The following RUVBL1 variants were observed in gnomAD, a reference collection of about 807,000 sequenced individuals.
RUVBL1 encodes the protein RuvB like AAA ATPase 1.
Under a neutral mutation model 52.4 loss-of-function variants are expected in RUVBL1, and 4 were observed. The ratio of observed to expected loss-of-function variants is 0.08; its 90% CI spans 0.04 to 0.17. RUVBL1 has a LOEUF of 0.17. Ranked by LOEUF, RUVBL1 falls within the 10% of genes least tolerant of loss-of-function variation. RUVBL1 has a pLI of 1.00. For synonymous variants in RUVBL1, 217 were observed against 214.4 expected (o/e 1.01, Z -0.10); for missense variants, 298 against 572.8 (o/e 0.52, Z 4.90).
intron 1 of RUVBL1, among the ~76,000 whole-genome samples, chr3:128,131,037 C>T (rs1168452565): frequency 6.6e-6 from 1 of 151,510 alleles, no homozygotes; most frequent in Non-Finnish European, 1.5e-5. Flanking sequence ...TAGGATCACT[C>T]AGGCCCAGGA....
intron 9 of RUVBL1, among the ~76,000 whole-genome samples, chr3:128,073,459 G>C (rs541312496): frequency 6.6e-6 from 1 of 152,312 alleles, no homozygotes; most frequent in East Asian, 1.9e-4. Flanking sequence ...GCCTGGGGAA[G>C]AGCAACGGAT....
intron 1 of RUVBL1, among the ~76,000 whole-genome samples, chr3:128,145,726 C>G (rs978823920): frequency 6.6e-6 from 1 of 152,168 alleles, no homozygotes; most frequent in African/African-American, 2.4e-5. Flanking sequence ...CCCTTGGGGA[C>G]TACAAACTAA....
At chr3:128,088,221 C>G (rs1341159498) in intron 8 of RUVBL1, among the ~76,000 whole-genome samples, 2 of 150,484 alleles carry the variant, frequency 1.3e-5, no homozygotes, top group African/African-American at 4.9e-5. Flanking sequence ...GAGAGTGTAC[C>G]ACTGCACTCC....
intron 9 of RUVBL1, among the ~76,000 whole-genome samples, chr3:128,073,164 G>T (rs879422161): frequency 6.6e-6 from 1 of 152,178 alleles, no homozygotes; most frequent in Non-Finnish European, 1.5e-5. Context: ...CTGCCTGCAG[G>T]TACTTCTGCT....
intron 9 of RUVBL1, 42 bp downstream of exon 9, chr3:128,087,664 G>A (rs1019982987): frequency 1.3e-6 from 2 of 1,505,820 alleles, no homozygotes; most frequent in Non-Finnish European, 1.8e-6. Context: ...AACACTGGGA[G>A]CAAATGAGAG....
rs765459412 is a variant in RUVBL1, at chr3:128,123,771, G to C, written c.-47C>G. On this transcript the variant is annotated 5_prime_UTR_variant, in exon 1 of 11. Transcript: ENST00000322623. ...AACCAGCGTGGAAAACCAGCAGCTA[G>C]GACAGTGCGCCCGGCGCCTGAGTTA... 3 of 1,545,472 alleles carry C rather than the reference G, an allele frequency of 1.9e-6. No homozygotes were observed. The African/African-American group carries it at 4.1e-5, about 21-fold the overall frequency.
At chr3:128,098,842 C>G in intron 7 of RUVBL1, 40 bp downstream of exon 7, 1 of 1,584,088 alleles carries the variant, frequency 6.3e-7, no homozygotes, top group Non-Finnish European at 8.7e-7. Context: ...TGGGGCCCTC[C>G]GCCCTGCCCC....
At chr3:128,143,357 G>A (rs1035392940) in intron 1 of RUVBL1, among the ~76,000 whole-genome samples, 1 of 151,934 alleles carries the variant, frequency 6.6e-6, no homozygotes, top group African/African-American at 2.4e-5. Context: ...ATTTTTAGTA[G>A]AGACGAGGTT....
At chr3:128,126,852 GT>G (rs970813686), upstream of RUVBL1, among the ~76,000 whole-genome samples, 21 of 152,288 alleles carry the variant, frequency 1.4e-4, no homozygotes, top group African/African-American at 5.1e-4. Context: ...CACCACTCTC[GT>G]TTTCCTTCAG....
rs1431383158 is a variant in RUVBL1 at position 128,081,618 on chromosome 3, CAAG to C, written c.1212-212_1212-210del. 4 of 556,798 alleles carry C rather than the reference CAAG, an allele frequency of 7.2e-6. No homozygotes were observed. The highest frequency in any genetic ancestry group is 1.3e-5 in the Non-Finnish European group (4 of 315,058). 34.5% of individuals were successfully genotyped at this position (556,798 alleles called of 1,614,324 possible). A position where few individuals can be genotyped will look rare whatever the true frequency, so the allele number is the denominator to read the frequency against. On this transcript the variant is annotated intron_variant, in intron 10 of 10. Coordinates refer to ENST00000322623, the MANE Select transcript of RUVBL1 (RefSeq NM_003707.3). The surrounding 1 kb of genome is among the most constrained non-coding windows in gnomAD (Gnocchi z 4.8). ...CCATCAGAGAGGGTCCAGGAGCCAC[CAAG>C]AAGACATAAGTGCTATTCCCCAAAT...
chr3:128,088,348 A>G (rs989756482), intron 8 of RUVBL1, among the ~76,000 whole-genome samples: 1 of 150,310 alleles, frequency 6.7e-6, no homozygotes. Flanking sequence ...AAAAATAACT[A>G]AAATCATACT....
exon 1 of RUVBL1, chr3:128,153,797 C>T: frequency 6.6e-7 from 1 of 1,522,404 alleles, no homozygotes. Flanking sequence ...CCCGGGCACG[C>T]CTCCCTCATC....
At position 128,101,540 on chromosome 3, in the gene RUVBL1, G is replaced by A; in HGVS notation, c.603+19C>T. On this transcript the variant is annotated intron_variant, in intron 5 of 10. Coordinates refer to ENST00000322623, the MANE Select transcript of RUVBL1 (RefSeq NM_003707.3). ...GCAAACAAATCAGGGACAATGCTGT[G>A]TCCCAAGGAAGGCATTACCTTCACG... 2 of 1,607,504 alleles carry A rather than the reference G, an allele frequency of 1.2e-6. No homozygotes were observed. The highest frequency in any genetic ancestry group is 4.5e-5 in the East Asian group (2 of 44,824).
At chr3:128,076,712 C>T (rs1229280899), downstream of RUVBL1, among the ~76,000 whole-genome samples, 1 of 152,000 alleles carries the variant, frequency 6.6e-6, no homozygotes, top group Non-Finnish European at 1.5e-5. The surrounding 1 kb of genome is among the most constrained non-coding windows in gnomAD (Gnocchi z 6.8). Flanking sequence ...TACATACACA[C>T]GCGCGCGCGC....
downstream of RUVBL1, among the ~76,000 whole-genome samples, chr3:128,079,552 C>T (rs978640770): frequency 6.6e-6 from 1 of 152,142 alleles, no homozygotes. Flanking sequence ...TAACATGGCT[C>T]GAGTGGGGAG....
intron 1 of RUVBL1, among the ~76,000 whole-genome samples, chr3:128,132,151 A>C: frequency 6.6e-6 from 1 of 152,202 alleles, no homozygotes; most frequent in East Asian, 1.9e-4. Context: ...AGAAAGCAAC[A>C]CAAGGCAGAA....
intron 3 of RUVBL1, among the ~76,000 whole-genome samples, chr3:128,105,286 ATT>A: frequency 6.6e-6 from 1 of 151,486 alleles, no homozygotes; most frequent in East Asian, 1.9e-4. Flanking sequence ...CGCCCGGCTA[ATT>A]TTTTTGTATT....
intron 1 of RUVBL1, among the ~76,000 whole-genome samples, chr3:128,151,282 G>GATATATAA (rs1348934261): frequency 2.2e-5 from 3 of 137,808 alleles, no homozygotes; most frequent in Admixed American, 1.6e-4. Flanking sequence ...TCTATATATA[G>GATATATAA]ATATATAAAC....
intron 1 of RUVBL1, among the ~76,000 whole-genome samples, chr3:128,130,929 C>T (rs963946535): frequency 1.3e-5 from 2 of 151,588 alleles, no homozygotes; most frequent in African/African-American, 4.8e-5. Flanking sequence ...GGATTACAGG[C>T]GTGAGCCACC....
Sources: gnomAD v4.1 joint callset for allele counts (sites outside exome capture counted in the v4.1 genomes callset) on GRCh38, gnomAD v4.1.1 for gene constraint, Gnocchi (gnomAD v3.1) non-coding constraint, MANE v1.5 for transcripts, NCBI Gene and HGNC (gene_info 2026-07-23, HGNC 2026-07-21) for gene names.